The following CABP5 variants were observed in gnomAD, a reference collection of about 807,000 sequenced individuals.
CABP5 encodes calcium-binding protein 5.
In CABP5, 17 loss-of-function variants were observed where a neutral mutation model predicts 21.9. The observed-to-expected ratio is 0.78, with a 90% CI of 0.53 to 1.17. CABP5 has a LOEUF of 1.17. Among genes scored for constraint, CABP5 ranks in the 50% most tolerant of loss-of-function variants. The pLI is 0.00. For synonymous variants in CABP5, 85 were observed against 79.4 expected (o/e 1.07, Z -0.37); for missense variants, 229 against 228.9 (o/e 1.00, Z 0.00).
chr19:48,036,198 C>T (rs1156959738), intron 4 of CABP5, among the ~76,000 whole-genome samples: 1 of 152,022 alleles, frequency 6.6e-6, no homozygotes, highest in Non-Finnish European at 1.5e-5. Flanking sequence ...CATATGTATC[C>T]ATATTGCTAA....
In CABP5 at chr19:48,029,828, G is replaced by GAGAGAGAC. The variant is rs1555737225; in HGVS notation, c.*728_*729insGTCTCTCT. The stretch of plus-strand genomic sequence containing the variant: ...AGAGAGAGAGAGAGAGAGAGAGAGA[G>GAGAGAGAC]AGAGAGAGAAACCAGACAGTGCTTC... On this transcript the variant is annotated 3_prime_UTR_variant, in exon 6 of 6. Transcript: ENST00000293255. The GAGAGAGAC allele has an allele frequency of 3.5e-3, 523 of 150,510 alleles. 6 individuals are homozygous for GAGAGAGAC. The highest frequency in any genetic ancestry group is 0.012 in the African/African-American group (504 of 40,388). 9.3% of individuals were successfully genotyped at this position (150,510 alleles called of 1,614,324 possible).
intron 2 of CABP5, 81 bp downstream of exon 2, chr19:48,041,467 GTAAAAATTCCATGTAATGGAATTTA>G: frequency 8.9e-7 from 1 of 1,127,002 alleles, no homozygotes; most frequent in African/African-American, 1.6e-5. Flanking sequence ...GAGAGGGATT[GTAAAAATTCCATGTAATGGAATTTA>G]TACGGAAATG....
At chr19:48,031,737 C>T (rs937280829) in intron 5 of CABP5, among the ~76,000 whole-genome samples, 10 of 152,052 alleles carry the variant, frequency 6.6e-5, no homozygotes, top group African/African-American at 1.2e-4. Context: ...TGGCTCAAGA[C>T]GATCTTGCTG....
At chr19:48,036,828 T>C (rs977773131) in intron 4 of CABP5, among the ~76,000 whole-genome samples, 1 of 152,040 alleles carries the variant, frequency 6.6e-6, no homozygotes, top group Non-Finnish European at 1.5e-5. Context: ...GGCAAACAAG[T>C]TCGTGAAAAA....
rs1446123703 is a variant in CABP5 at position 48,029,573 on chromosome 19, G to A, written c.*984C>T. 1.3e-5 allele frequency among the ~76,000 whole-genome samples: 2 copies of A among 152,070 alleles called. No homozygotes were observed. The highest frequency in any genetic ancestry group is 2.9e-5 in the Non-Finnish European group (2 of 68,010). ...TGGGTGGTCCAGGACAGACCAGCGCGGAGGTAGGAGGCTTCTAGGAAAGAC... is the reference window on the plus strand; with the variant it reads ...TGGGTGGTCCAGGACAGACCAGCGCAGAGGTAGGAGGCTTCTAGGAAAGAC... On this transcript the variant is annotated 3_prime_UTR_variant, in exon 6 of 6. Transcript: ENST00000293255.
intron 4 of CABP5, 53 bp from the exon 5 acceptor site, chr19:48,034,415 G>A (rs560592552): frequency 1.0e-5 from 14 of 1,353,714 alleles, no homozygotes; most frequent in Middle Eastern, 1.9e-4. Context: ...TGATAGCCAC[G>A]AGATGATGGA....
At chr19:48,039,003 A>C (rs1224912470) in intron 4 of CABP5, among the ~76,000 whole-genome samples, 1 of 152,018 alleles carries the variant, frequency 6.6e-6, no homozygotes, top group African/African-American at 2.4e-5. Flanking sequence ...TGAGGATTAA[A>C]TCAGATAAAG....
At chr19:48,041,697 C>G in intron 1 of CABP5, 94 bp from the exon 2 acceptor site, 1 of 1,151,438 alleles carries the variant, frequency 8.7e-7, no homozygotes, top group Non-Finnish European at 1.2e-6. Context: ...CCCACGCTCT[C>G]GTGGTTCTCT....
rs191269052 is a variant in CABP5 at position 48,037,470 on chromosome 19, G to A, written c.348+1738C>T. On this transcript the variant is annotated intron_variant, in intron 4 of 5. Coordinates refer to ENST00000293255, the MANE Select transcript of CABP5 (RefSeq NM_019855.5). ...TTTAGTAGAGACGGGGTTTCTCCAT[G>A]TTGGTCAGGCTGGTCTCAAACTCCC... Among the ~76,000 whole-genome samples the A allele has an allele frequency of 3.9e-3, 592 of 151,572 alleles. 3 individuals are homozygous for A. Among genetic ancestry groups the A allele is most frequent in the African/African-American group, 0.014 (573 of 41,354 alleles).
chr19:48,040,828 G>T lies in CABP5; in HGVS notation c.95-80C>A, dbSNP rs1203032124. The T allele has an allele frequency of 8.6e-6, 12 of 1,390,424 alleles. No homozygotes were observed. The Admixed American group carries it at 1.6e-4, about 19-fold the overall frequency. The allele number at this position is 1,390,424 out of a possible 1,614,324, so 86.1% of individuals were successfully genotyped here. On this transcript the variant is annotated intron_variant, in intron 2 of 5. Coordinates refer to ENST00000293255, the MANE Select transcript of CABP5 (RefSeq NM_019855.5). ...GGCATCTCTTGAAGCTATCAATGAGGCTCCAACTAGAGACTCCTTAAAGGA... is the reference window on the plus strand; with the variant it reads ...GGCATCTCTTGAAGCTATCAATGAGTCTCCAACTAGAGACTCCTTAAAGGA...
intron 4 of CABP5, 139 bp from the exon 5 acceptor site, chr19:48,034,501 C>T: frequency 2.1e-6 from 1 of 481,366 alleles, no homozygotes. Flanking sequence ...ACGTCAGCTC[C>T]AAAAGACAGT....
intron 3 of CABP5, 106 bp downstream of exon 3, chr19:48,040,499 C>T: frequency 1.7e-6 from 2 of 1,202,072 alleles, no homozygotes. Flanking sequence ...TAGTCCCTCT[C>T]ATCCTCCTCT....
At chr19:48,038,270 G>A (rs12973938) in intron 4 of CABP5, among the ~76,000 whole-genome samples, 46,107 of 151,994 alleles carry the variant, frequency 0.3, 7,870 homozygotes, top group Non-Finnish European at 0.39. Context: ...AATAGGTGGA[G>A]GCCTCCTAGG....
intron 2 of CABP5, among the ~76,000 whole-genome samples, 199 bp from the exon 3 acceptor site, chr19:48,040,947 T>C (rs1600128087): frequency 6.6e-6 from 1 of 151,740 alleles, no homozygotes; most frequent in Non-Finnish European, 1.5e-5. Context: ...GAGGTCGAGG[T>C]GGGTGGATCA....
At chr19:48,040,577 G>A (rs547505782) in intron 3 of CABP5, 28 bp downstream of exon 3, 15 of 1,612,264 alleles carry the variant, frequency 9.3e-6, no homozygotes, top group Admixed American at 5.0e-5. Flanking sequence ...CCCTAACCCC[G>A]GCCATCCCTC....
At chr19:48,033,443 G>A (rs1346338321) in intron 5 of CABP5, among the ~76,000 whole-genome samples, 1 of 152,188 alleles carries the variant, frequency 6.6e-6, no homozygotes. Flanking sequence ...TGATGATGAA[G>A]GAATTGGTCC....
At chr19:48,032,398 G>A (rs528290850) in intron 5 of CABP5, among the ~76,000 whole-genome samples, 3 of 150,672 alleles carry the variant, frequency 2.0e-5, no homozygotes, top group South Asian at 2.1e-4. Context: ...GCAGTGGGGC[G>A]ATCTCACTGC....
At chr19:48,030,658 T>C in intron 5 of CABP5, 76 bp from the exon 6 acceptor site, 1 of 1,426,928 alleles carries the variant, frequency 7.0e-7, no homozygotes, top group Non-Finnish European at 9.8e-7. Flanking sequence ...GAGCCCTTCC[T>C]ATGTGGCAGG....
chr19:48,033,855 C>T (rs1394152234), intron 5 of CABP5, among the ~76,000 whole-genome samples: 2 of 152,138 alleles, frequency 1.3e-5, no homozygotes, highest in Non-Finnish European at 2.9e-5. Context: ...GACCCCAGAG[C>T]TCCAGCTGCT....
Sources: gnomAD v4.1 joint callset for allele counts (sites outside exome capture counted in the v4.1 genomes callset) on GRCh38, gnomAD v4.1.1 for gene constraint, MANE v1.5 for transcripts, NCBI Gene and HGNC (gene_info 2026-07-23, HGNC 2026-07-21) for gene names.